The following ABTB3 variants were observed in gnomAD, a reference collection of about 807,000 sequenced individuals.
ABTB3 encodes ankyrin repeat- and BTB/POZ domain-containing protein 3.
the ABTB3 span, among the ~76,000 whole-genome samples, chr12:107,449,868 C>G: frequency 6.6e-6 from 1 of 152,036 alleles, no homozygotes; most frequent in Non-Finnish European, 1.5e-5. Flanking sequence ...TCTTGAACTC[C>G]TGGCTTCAAG....
At chr12:107,373,099 G>A in the ABTB3 span, among the ~76,000 whole-genome samples, 4 of 152,190 alleles carry the variant, frequency 2.6e-5, no homozygotes, top group African/African-American at 9.6e-5. Flanking sequence ...TCCCCTGAGG[G>A]AGAGGCAAAA....
the ABTB3 span, chr12:107,318,931 T>C: frequency 6.3e-6 from 10 of 1,583,034 alleles, no homozygotes; most frequent in Non-Finnish European, 8.6e-6. Context: ...CAGCATGAAG[T>C]GGCGCAGCGA....
At chr12:107,567,495 CT>C in the ABTB3 span, among the ~76,000 whole-genome samples, 1 of 152,174 alleles carries the variant, frequency 6.6e-6, no homozygotes, top group African/African-American at 2.4e-5. Flanking sequence ...TTACAGCTGC[CT>C]ATAGTATTCA....
At chr12:107,514,994 T>G in the ABTB3 span, among the ~76,000 whole-genome samples, 2 of 152,176 alleles carry the variant, frequency 1.3e-5, no homozygotes, top group Admixed American at 1.3e-4. Context: ...GCAAAATACT[T>G]TGATACACAT....
the ABTB3 span, among the ~76,000 whole-genome samples, chr12:107,439,791 C>T: frequency 2.0e-5 from 3 of 152,222 alleles, no homozygotes; most frequent in African/African-American, 7.2e-5. Context: ...AGGCCACAAA[C>T]ATACCCATCC....
the ABTB3 span, among the ~76,000 whole-genome samples, chr12:107,642,499 G>A: frequency 0.03 from 4,561 of 152,202 alleles, 272 homozygotes; most frequent in African/African-American, 0.1. Context: ...TAGAGTACTC[G>A]AGGCGTGAGC....
the ABTB3 span, chr12:107,657,388 A>T: frequency 1.2e-6 from 1 of 845,796 alleles, no homozygotes; most frequent in Non-Finnish European, 1.9e-6. Flanking sequence ...CTGGGGAATC[A>T]GAGACATTCT....
chr12:107,646,970 C>T, the ABTB3 span, among the ~76,000 whole-genome samples: 2 of 152,030 alleles, frequency 1.3e-5, no homozygotes, highest in African/African-American at 4.8e-5. Context: ...TGGGCAAAAG[C>T]ACAGGACTAG....
the ABTB3 span, among the ~76,000 whole-genome samples, chr12:107,573,442 A>G: frequency 1.3e-5 from 2 of 151,510 alleles, no homozygotes. Flanking sequence ...GAATGAATGG[A>G]TGGGTGGCTG....
chr12:107,645,545 C>T, the ABTB3 span, among the ~76,000 whole-genome samples: 2 of 152,168 alleles, frequency 1.3e-5, no homozygotes, highest in African/African-American at 4.8e-5. Flanking sequence ...ACCTGGGCCC[C>T]CCGCTAAACT....
the ABTB3 span, among the ~76,000 whole-genome samples, chr12:107,580,057 C>G: frequency 2.6e-5 from 4 of 152,146 alleles, no homozygotes; most frequent in Non-Finnish European, 4.4e-5. Context: ...CAGTAGCATC[C>G]GTATCAGGAA....
chr12:107,569,567 C>T, the ABTB3 span, among the ~76,000 whole-genome samples: 1 of 152,198 alleles, frequency 6.6e-6, no homozygotes, highest in African/African-American at 2.4e-5. Context: ...CTCAAGTTTA[C>T]AACAAGTTCA....
chr12:107,487,193 C>A, the ABTB3 span, among the ~76,000 whole-genome samples: 2 of 152,134 alleles, frequency 1.3e-5, no homozygotes, highest in Non-Finnish European at 2.9e-5. Flanking sequence ...TGACCATGAG[C>A]TTTTAGAGAC....
the ABTB3 span, among the ~76,000 whole-genome samples, chr12:107,367,738 C>T: frequency 6.6e-6 from 1 of 152,068 alleles, no homozygotes. Context: ...CTCCTGAGCT[C>T]GGGCAATCTG....
the ABTB3 span, among the ~76,000 whole-genome samples, chr12:107,388,634 T>A: frequency 6.6e-6 from 1 of 151,720 alleles, no homozygotes; most frequent in African/African-American, 2.4e-5. Flanking sequence ...CTGCTGGAGG[T>A]CTGGGCCAGC....
At chr12:107,659,570 G>C in the ABTB3 span, 1 of 152,216 alleles carries the variant, frequency 6.6e-6, no homozygotes, top group Non-Finnish European at 1.5e-5. Context: ...TTGTACAGTG[G>C]TAACTCCCAA....
At chr12:107,472,085 G>GAAAAC in the ABTB3 span, among the ~76,000 whole-genome samples, 529 of 152,274 alleles carry the variant, frequency 3.5e-3, 5 homozygotes, top group African/African-American at 0.012. Flanking sequence ...GGACCAAAGA[G>GAAAAC]AAAACACTGA....
chr12:107,357,176 C>G, the ABTB3 span, among the ~76,000 whole-genome samples: 92 of 152,288 alleles, frequency 6.0e-4, no homozygotes, highest in Non-Finnish European at 7.3e-5. Context: ...GCAAATGCCA[C>G]TTATCTGTTT....
chr12:107,327,818 G>A, the ABTB3 span, among the ~76,000 whole-genome samples: 5 of 152,180 alleles, frequency 3.3e-5, no homozygotes, highest in African/African-American at 1.2e-4. Context: ...ACGTCTTAGT[G>A]GCTGAACATA....
Sources: allele counts gnomAD v4.1 joint callset (sites outside exome capture counted in the v4.1 genomes callset), GRCh38; gene constraint gnomAD v4.1.1; transcripts MANE v1.5; gene names NCBI Gene and HGNC (gene_info 2026-07-23, HGNC 2026-07-21).